The following OVCH1 variants were observed in gnomAD, a reference collection of about 807,000 sequenced individuals.
The protein encoded by OVCH1 is ovochymase-1.
In OVCH1, 139 loss-of-function variants were observed where a neutral mutation model predicts 138.4. The observed-to-expected ratio is 1.00, with a 90% CI of 0.87 to 1.16. The LOEUF is 1.16. Among genes scored for constraint, OVCH1 ranks in the 50% most tolerant of loss-of-function variants. The probability of loss-of-function intolerance (pLI) is 0.00; values close to 1 mark genes in which losing one functional copy is unlikely to be tolerated. For synonymous variants in OVCH1, 453 were observed against 467.8 expected (o/e 0.97, Z 0.41); for missense variants, 1,367 against 1,357.9 (o/e 1.01, Z -0.11).
chr12:29,451,572 G>A lies in OVCH1; in HGVS notation c.2531-3C>T, dbSNP rs1941797212. The A allele has an allele frequency of 1.2e-6, 2 of 1,604,840 alleles. No homozygotes were observed. The highest frequency in any genetic ancestry group is 2.7e-5 in the African/African-American group (2 of 74,816). ...TAGCTCTGCTTCAGAGCAACAACCT[G>A]CAATTCAGAACACACAGACACCAGG... On this transcript the variant is annotated splice_polypyrimidine_tract_variant and splice_region_variant and intron_variant, in intron 21 of 27. Coordinates refer to ENST00000318184, the Ensembl canonical transcript of OVCH1.
intron 26 of OVCH1, among the ~76,000 whole-genome samples, chr12:29,437,903 G>T (rs1388665337): frequency 1.3e-5 from 2 of 152,074 alleles, no homozygotes; most frequent in Non-Finnish European, 2.9e-5. Context: ...TAAGTCAAAG[G>T]TATCTAGGTT....
At chr12:29,494,347 T>C (rs1943353357) in intron 4 of OVCH1, among the ~76,000 whole-genome samples, 1 of 152,034 alleles carries the variant, frequency 6.6e-6, no homozygotes, top group South Asian at 2.1e-4. Flanking sequence ...TTTCTTGCAT[T>C]TAAAAAAAAG....
At chr12:29,431,371 G>C (rs1157965415) in intron 27 of OVCH1, among the ~76,000 whole-genome samples, 1 of 152,080 alleles carries the variant, frequency 6.6e-6, no homozygotes, top group Non-Finnish European at 1.5e-5. Context: ...CTGGGAGGTT[G>C]AAGCTGCGGT....
At chr12:29,442,296 A>G (rs920209888) in intron 25 of OVCH1, among the ~76,000 whole-genome samples, 1 of 151,570 alleles carries the variant, frequency 6.6e-6, no homozygotes, top group Non-Finnish European at 1.5e-5. Context: ...GCAGCCATAA[A>G]AAATGATGAG....
chr12:29,429,485 A>G (rs764743448), intron 27 of OVCH1, among the ~76,000 whole-genome samples: 5 of 152,246 alleles, frequency 3.3e-5, no homozygotes, highest in Non-Finnish European at 7.3e-5. Flanking sequence ...TTACATGTAT[A>G]TTCATTATAT....
chr12:29,491,158 G>A (rs377425343), exon 5 of OVCH1: 170 of 1,613,608 alleles, frequency 1.1e-4, no homozygotes, highest in African/African-American at 1.5e-4. Flanking sequence ...CTTTATCATC[G>A]CTGTCAGGAA....
intron 16 of OVCH1, 146 bp downstream of exon 16, chr12:29,471,656 A>G: frequency 1.1e-6 from 1 of 874,482 alleles, no homozygotes; most frequent in Non-Finnish European, 1.7e-6. Context: ...TTTAAATAGT[A>G]GCTAGATGGC....
chr12:29,474,056 A>AAACACACACACAC (rs1942609801), intron 14 of OVCH1, among the ~76,000 whole-genome samples: 1 of 129,560 alleles, frequency 7.7e-6, no homozygotes, highest in Non-Finnish European at 1.7e-5. Context: ...GTTAATACTT[A>AAACACACACACAC]ATAAACACAC....
the OVCH1 span, among the ~76,000 whole-genome samples, chr12:29,404,636 A>G: frequency 1.3e-5 from 2 of 152,152 alleles, no homozygotes; most frequent in Non-Finnish European, 2.9e-5. Flanking sequence ...TGGCCAGGTG[A>G]TGGTTTTCAG....
At chr12:29,471,126 G>A (rs1291253562) in intron 16 of OVCH1, among the ~76,000 whole-genome samples, 5 of 152,140 alleles carry the variant, frequency 3.3e-5, no homozygotes, top group South Asian at 4.1e-4. Flanking sequence ...AAGGGGTCTC[G>A]AAAGGTGAGT....
At position 29,487,891 on chromosome 12, in the gene OVCH1, G is replaced by A. The variant is rs769289142; in HGVS notation, c.703-9C>T. 2 of 1,592,606 alleles carry A rather than the reference G, an allele frequency of 1.3e-6. No homozygotes were observed. The highest frequency in any genetic ancestry group is 2.3e-5 in the South Asian group (2 of 87,846). ...GGTCCTCCAGAGTCCCCCTTTCATG[G>A]TACAAAAAAAGAGAAAATTTGAAAA... On this transcript the variant is annotated splice_polypyrimidine_tract_variant and intron_variant, in intron 6 of 27. Coordinates refer to ENST00000318184, the Ensembl canonical transcript of OVCH1.
At chr12:29,435,095 A>G (rs1396059011) in intron 26 of OVCH1, among the ~76,000 whole-genome samples, 1 of 152,256 alleles carries the variant, frequency 6.6e-6, no homozygotes, top group African/African-American at 2.4e-5. Context: ...GCTACATATA[A>G]CCTTCATTTA....
chr12:29,452,864 C>T (rs189601944), intron 21 of OVCH1, among the ~76,000 whole-genome samples: 6 of 152,138 alleles, frequency 3.9e-5, no homozygotes, highest in Non-Finnish European at 5.9e-5. Flanking sequence ...ATTTTGTCTC[C>T]GAAAATAATC....
rs536528222 is a variant in OVCH1, at chr12:29,443,548, T to C, written c.3018-48A>G. 6 of 1,473,020 alleles carry C rather than the reference T, an allele frequency of 4.1e-6. No individual in the cohort carries two copies. In the African/African-American group the frequency reaches 8.5e-5, roughly 21 times the overall value. The allele number at this position is 1,473,020 out of a possible 1,614,324, so 91.2% of individuals were successfully genotyped here. Reference sequence around the variant, plus strand: ...TCAGAAATTATTTCTAAACAGAATATATTGTTAGTTATTTTGCTCAGAAAT... The same window carrying C: ...TCAGAAATTATTTCTAAACAGAATACATTGTTAGTTATTTTGCTCAGAAAT... On this transcript the variant is annotated intron_variant, in intron 24 of 27. Coordinates refer to ENST00000318184, the Ensembl canonical transcript of OVCH1.
chr12:29,414,951 A>G (rs1338467814), intron 3 of OVCH1, among the ~76,000 whole-genome samples: 7 of 152,216 alleles, frequency 4.6e-5, no homozygotes, highest in Non-Finnish European at 7.3e-5. Flanking sequence ...TATTATTACA[A>G]CTACTTAAAT....
exon 21 of OVCH1, chr12:29,454,852 G>T: frequency 6.2e-7 from 1 of 1,608,282 alleles, no homozygotes; most frequent in Non-Finnish European, 8.5e-7. Flanking sequence ...TGGCCAAGAT[G>T]CACTGTCTGG....
At chr12:29,410,601 T>C (rs1480616307), downstream of OVCH1, among the ~76,000 whole-genome samples, 4 of 119,866 alleles carry the variant, frequency 3.3e-5, no homozygotes, top group Non-Finnish European at 7.7e-5. Context: ...AATTTCTGGG[T>C]TGAAAGTTCT....
intron 26 of OVCH1, among the ~76,000 whole-genome samples, chr12:29,434,751 T>G (rs76122647): frequency 6.6e-6 from 1 of 152,124 alleles, no homozygotes; most frequent in African/African-American, 2.4e-5. Flanking sequence ...AGACAAAGAT[T>G]ATTGAGCAAA....
At chr12:29,405,401 A>G in the OVCH1 span, among the ~76,000 whole-genome samples, 1 of 152,222 alleles carries the variant, frequency 6.6e-6, no homozygotes, top group African/African-American at 2.4e-5. Flanking sequence ...TTAAATATCC[A>G]TACCCTGGTA....
Sources: allele counts gnomAD v4.1 joint callset (sites outside exome capture counted in the v4.1 genomes callset), GRCh38; gene constraint gnomAD v4.1.1; transcripts MANE v1.5; gene names NCBI Gene and HGNC (gene_info 2026-07-23, HGNC 2026-07-21).